The following RELN variants were observed in gnomAD, a reference collection of about 807,000 sequenced individuals.
RELN encodes the protein reelin.
RELN carries 108 observed loss-of-function variants against 427.6 expected under a neutral mutation model. The observed-to-expected ratio is 0.25, with a 90% CI of 0.22 to 0.30. The LOEUF is 0.30. Ranked by LOEUF, RELN falls within the 10% of genes least tolerant of loss-of-function variation. The pLI, the probability that RELN is intolerant of heterozygous loss-of-function variation, is 1.00. For missense variants in RELN, 3,715 were observed against 4,302.8 expected, an observed-to-expected ratio of 0.86 and a Z score of 3.82; for synonymous variants, 1,524 against 1,513.4, an observed-to-expected ratio of 1.01 and a Z score of -0.16.
intron 38 of RELN, 106 bp from the exon 39 acceptor site, chr7:103,553,937 G>A: frequency 1.1e-6 from 1 of 922,162 alleles, no homozygotes. Context: ...GTAACAATAG[G>A]TTAAACATAT....
chr7:103,861,411 G>C (rs977233449), intron 2 of RELN, among the ~76,000 whole-genome samples: 3 of 152,158 alleles, frequency 2.0e-5, no homozygotes, highest in African/African-American at 7.2e-5. Flanking sequence ...GGTTGGCAGA[G>C]CCTATGCTAT....
At chr7:103,974,384 TG>T (rs1796828788) in intron 1 of RELN, among the ~76,000 whole-genome samples, 1 of 152,188 alleles carries the variant, frequency 6.6e-6, no homozygotes, top group African/African-American at 2.4e-5. Flanking sequence ...CCTGAGCCTG[TG>T]GGCTATCCAC....
In RELN at chr7:103,895,339, G is replaced by A. The variant is rs148522877; in HGVS notation, c.337+21736C>T. Among the ~76,000 whole-genome samples, 774 of 152,110 alleles carry A rather than the reference G, an allele frequency of 5.1e-3. 10 individuals are homozygous for A. Among genetic ancestry groups the A allele is most frequent in the African/African-American group, 0.018 (743 of 41,522 alleles). ...GTTCAAAGGGTATTAGATACCACAC[G>A]AGGCAAATGGGGGCCCATTAAAATT... On this transcript the variant is annotated intron_variant, in intron 2 of 64. Transcript: ENST00000428762.
intron 2 of RELN, among the ~76,000 whole-genome samples, chr7:103,837,365 C>A (rs1298452051): frequency 1.3e-5 from 2 of 152,206 alleles, no homozygotes; most frequent in Non-Finnish European, 2.9e-5. Context: ...TACTTGCTCT[C>A]CCTGTACACA....
chr7:103,903,700 T>C (rs898576819), intron 2 of RELN, among the ~76,000 whole-genome samples: 7 of 152,160 alleles, frequency 4.6e-5, no homozygotes, highest in African/African-American at 1.7e-4. Context: ...ATATATGATT[T>C]ATATACATAT....
chr7:103,474,883 T>C (rs1430411882), intron 64 of RELN, among the ~76,000 whole-genome samples: 2 of 151,876 alleles, frequency 1.3e-5, no homozygotes, highest in Non-Finnish European at 2.9e-5. Context: ...ATTGTATACA[T>C]GTGCATGTAT....
chr7:103,733,826 A>G (rs1422518215), intron 6 of RELN, among the ~76,000 whole-genome samples: 1 of 151,462 alleles, frequency 6.6e-6, no homozygotes, highest in Non-Finnish European at 1.5e-5. Flanking sequence ...GCATTGGGAG[A>G]TATACCTAAT....
chr7:103,971,066 C>T (rs752545385), intron 1 of RELN, among the ~76,000 whole-genome samples: 1 of 151,098 alleles, frequency 6.6e-6, no homozygotes, highest in Non-Finnish European at 1.5e-5. Context: ...GCAAGAGAAT[C>T]GCTCGAACCT....
chr7:103,545,616 T>G (rs1301524143), intron 41 of RELN, among the ~76,000 whole-genome samples: 1 of 152,132 alleles, frequency 6.6e-6, no homozygotes, highest in Non-Finnish European at 1.5e-5. Flanking sequence ...ACTTCCTTGG[T>G]GAAGACTTCT....
intron 1 of RELN, among the ~76,000 whole-genome samples, chr7:103,918,946 C>T (rs1334970197): frequency 6.6e-6 from 1 of 151,986 alleles, no homozygotes; most frequent in Non-Finnish European, 1.5e-5. Context: ...TTACACGAAT[C>T]ATCTAAAGAA....
At chr7:103,881,841 G>C (rs1332826384) in intron 2 of RELN, among the ~76,000 whole-genome samples, 1 of 152,096 alleles carries the variant, frequency 6.6e-6, no homozygotes, top group Non-Finnish European at 1.5e-5. Context: ...CAAGGTTTTG[G>C]GTGGTTTACT....
chr7:103,551,936 T>TGG (rs1300114782), intron 40 of RELN, among the ~76,000 whole-genome samples: 1 of 141,090 alleles, frequency 7.1e-6, no homozygotes, highest in Non-Finnish European at 1.5e-5. Context: ...TGTGTGTGTG[T>TGG]GGGTGTGTGT....
rs192567110 is a variant in RELN at position 103,798,865 on chromosome 7, A to C, written c.474-22238T>G. Reference sequence around the variant, plus strand: ...ACCCACAGCTAGAGCTTTAGCTCCAAACCAGCCTTCCTCCCGCTTCTGTGT... The same window carrying C: ...ACCCACAGCTAGAGCTTTAGCTCCACACCAGCCTTCCTCCCGCTTCTGTGT... On this transcript the variant is annotated intron_variant, in intron 3 of 64. Coordinates refer to ENST00000428762, the MANE Select transcript of RELN (RefSeq NM_005045.4). 2.0e-5 allele frequency among the ~76,000 whole-genome samples: 3 copies of C among 152,300 alleles called. No individual in the cohort carries two copies. In the East Asian group the frequency reaches 5.8e-4, roughly 29 times the overall value.
intron 1 of RELN, among the ~76,000 whole-genome samples, chr7:103,920,566 G>GGT (rs1795590906): frequency 8.7e-6 from 1 of 114,688 alleles, no homozygotes; most frequent in East Asian, 4.2e-4. Flanking sequence ...ACCAGTCTTT[G>GGT]GTTTTTTTTT....
intron 48 of RELN, among the ~76,000 whole-genome samples, chr7:103,520,816 G>A (rs1208366755): frequency 2.0e-5 from 3 of 151,962 alleles, no homozygotes; most frequent in Non-Finnish European, 4.4e-5. Flanking sequence ...CAGTGTTGCT[G>A]ATTATAAAAA....
At chr7:103,738,258 C>G (rs1790543732) in intron 6 of RELN, among the ~76,000 whole-genome samples, 1 of 151,712 alleles carries the variant, frequency 6.6e-6, no homozygotes, top group Non-Finnish European at 1.5e-5. Flanking sequence ...CAAAGATCCT[C>G]TCTGACTTTG....
intron 6 of RELN, among the ~76,000 whole-genome samples, chr7:103,733,424 G>A (rs1790406434): frequency 7.5e-6 from 1 of 133,292 alleles, no homozygotes; most frequent in African/African-American, 2.8e-5. Context: ...ATTTGACCCA[G>A]CCATCCCATT....
rs765657890 is a variant in RELN at position 103,989,104 on chromosome 7, C to G, written c.226+27G>C. ...CGCTGGCGGGCGCACCCGGCGGCGG[C>G]GAGCGCGGAGGTGCTGCGGTACCTA... On this transcript the variant is annotated intron_variant, in intron 1 of 64. Transcript: ENST00000428762. The surrounding 1 kb of genome is among the most constrained non-coding windows in gnomAD (Gnocchi z 4.9). 1 of 1,602,558 alleles carries G rather than the reference C, an allele frequency of 6.2e-7. No individual in the cohort carries two copies. Among genetic ancestry groups the G allele is most frequent in the South Asian group, 1.1e-5 (1 of 90,736 alleles).
intron 4 of RELN, among the ~76,000 whole-genome samples, chr7:103,773,456 TCC>T (rs1791656883): frequency 1.5e-5 from 2 of 137,396 alleles, no homozygotes; most frequent in African/African-American, 5.4e-5. Context: ...CCTCGCTCCC[TCC>T]CTCTCTCTCT....
Sources: allele counts gnomAD v4.1 joint callset (sites outside exome capture counted in the v4.1 genomes callset), GRCh38; gene constraint gnomAD v4.1.1; non-coding constraint Gnocchi (gnomAD v3.1); transcripts MANE v1.5; gene names NCBI Gene and HGNC (gene_info 2026-07-23, HGNC 2026-07-21).